Variants in ABI2 observed in about 807,000 individuals in gnomAD.
ABI2 encodes the protein abelson interactor 2.
ABI2 carries 25 observed loss-of-function variants against 59.2 expected under a neutral mutation model. That is an observed-to-expected ratio of 0.42 (90% CI 0.31 to 0.59). ABI2 has a LOEUF of 0.59. ABI2 is among the 20% of genes least tolerant of loss of function. ABI2 has a pLI of 0.14. For missense variants in ABI2, 545 were observed against 681.8 expected, an observed-to-expected ratio of 0.80 and a Z score of 2.23; for synonymous variants, 213 against 235.5, an observed-to-expected ratio of 0.90 and a Z score of 0.87.
chr2:203,421,831 GTGCA>G (rs997166976), intron 11 of ABI2, among the ~76,000 whole-genome samples: 2 of 152,048 alleles, frequency 1.3e-5, no homozygotes, highest in Admixed American at 1.3e-4. Context: ...GGGTGTGGTG[GTGCA>G]CGCCTGTAGT....
At chr2:203,385,333 G>A (rs370267709) in intron 4 of ABI2, among the ~76,000 whole-genome samples, 6 of 146,334 alleles carry the variant, frequency 4.1e-5, no homozygotes, top group East Asian at 2.1e-4. Context: ...GGGTTTCACC[G>A]TGTTAGCCAG....
chr2:203,340,074 A>T (rs2078988363), intron 1 of ABI2, among the ~76,000 whole-genome samples: 1 of 152,260 alleles, frequency 6.6e-6, no homozygotes, highest in Admixed American at 6.5e-5. Context: ...ATTTGTGACA[A>T]CATGGATGAA....
intron 1 of ABI2, among the ~76,000 whole-genome samples, chr2:203,363,757 ATTTTC>A (rs546930688): frequency 1.4e-3 from 218 of 151,710 alleles, no homozygotes; most frequent in African/African-American, 1.9e-3. Flanking sequence ...TATGTACCAT[ATTTTC>A]TTTTCTTTTC....
At chr2:203,366,274 A>G (rs902465121) in intron 1 of ABI2, among the ~76,000 whole-genome samples, 3 of 152,172 alleles carry the variant, frequency 2.0e-5, no homozygotes, top group Admixed American at 6.5e-5. Context: ...CTTGGGCAAC[A>G]TGGCAATTTA....
Position 203,368,984 on chromosome 2 carries a change from A to AATTTTTTT in ABI2, c.285+1940_285+1941insATTTTTTT, listed in dbSNP as rs1312712237. On this transcript the variant is annotated intron_variant, in intron 2 of 11. Coordinates refer to ENST00000261018, the MANE Select transcript of ABI2 (RefSeq NM_001375670.1). ...TACAGGCACGTGCCATGCTTGGCTGATTTTTTTTTTTTTTTTTTTTTTTTT... is the reference window on the plus strand; with the variant it reads ...TACAGGCACGTGCCATGCTTGGCTGAATTTTTTTTTTTTTTTTTTTTTTTTTTTTTTTT... 5.5e-5 allele frequency among the ~76,000 whole-genome samples: 5 copies of AATTTTTTT among 91,118 alleles called. 2 individuals are homozygous for AATTTTTTT. The highest frequency in any genetic ancestry group is 1.4e-4 in the Admixed American group (1 of 7,168). The allele number at this position is 91,118 out of a possible 152,430, so 59.8% of individuals were successfully genotyped here. A position where few individuals can be genotyped will look rare whatever the true frequency, so the allele number is the denominator to read the frequency against.
At chr2:203,408,836 T>TC (rs1190204909) in intron 9 of ABI2, among the ~76,000 whole-genome samples, 1 of 79,632 alleles carries the variant, frequency 1.3e-5, no homozygotes. Flanking sequence ...CTCCTTTCTT[T>TC]TTTTTTTTTT....
At chr2:203,371,020 A>G (rs1295040305) in intron 2 of ABI2, among the ~76,000 whole-genome samples, 2 of 152,184 alleles carry the variant, frequency 1.3e-5, no homozygotes, top group Non-Finnish European at 2.9e-5. Flanking sequence ...TCTAGGCTTT[A>G]CCCTGACTCT....
At chr2:203,409,761 A>G in intron 9 of ABI2, among the ~76,000 whole-genome samples, 1 of 152,116 alleles carries the variant, frequency 6.6e-6, no homozygotes, top group East Asian at 1.9e-4. Flanking sequence ...TGCAGCCACT[A>G]TTGGAAGTAG....
At chr2:203,392,263 GCACCACCACCATCACCACCACCACCAC>G (rs1163338448) in intron 5 of ABI2, among the ~76,000 whole-genome samples, 2 of 145,520 alleles carry the variant, frequency 1.4e-5, no homozygotes, top group African/African-American at 5.1e-5. Flanking sequence ...GGCTTCCTCA[GCACCACCACCATCACCACCACCACCAC>G]CACCACCACC....
chr2:203,348,969 A>G (rs983677011), intron 1 of ABI2, among the ~76,000 whole-genome samples: 4 of 151,610 alleles, frequency 2.6e-5, no homozygotes, highest in African/African-American at 9.7e-5. Flanking sequence ...TTTCACTTCC[A>G]TTGTCTAGGC....
intron 1 of ABI2, among the ~76,000 whole-genome samples, chr2:203,343,671 T>C (rs1203256733): frequency 1.3e-5 from 2 of 152,166 alleles, no homozygotes; most frequent in African/African-American, 4.8e-5. Flanking sequence ...TTTTTAGAAG[T>C]AGATTTAAAG....
chr2:203,402,040 A>G (rs902160970), intron 8 of ABI2, among the ~76,000 whole-genome samples: 6 of 151,988 alleles, frequency 3.9e-5, no homozygotes, highest in Admixed American at 1.3e-4. Flanking sequence ...GTAGCAAACT[A>G]TTTATTTATT....
chr2:203,426,093 T>C (rs766286958), intron 11 of ABI2, among the ~76,000 whole-genome samples: 7 of 152,046 alleles, frequency 4.6e-5, no homozygotes, highest in Non-Finnish European at 1.0e-4. Context: ...TTAAGGAAGC[T>C]ATTTAATTTT....
chr2:203,364,514 A>T (rs891139369), intron 1 of ABI2, among the ~76,000 whole-genome samples: 6 of 152,184 alleles, frequency 3.9e-5, no homozygotes, highest in Admixed American at 1.3e-4. Context: ...ACGAACAGCA[A>T]CCTTGGTCCT....
chr2:203,420,158 T>G (rs1178529936), intron 11 of ABI2, among the ~76,000 whole-genome samples: 1 of 152,218 alleles, frequency 6.6e-6, no homozygotes, highest in Non-Finnish European at 1.5e-5. Context: ...TTAACCATTG[T>G]CCTAAACGTG....
intron 9 of ABI2, among the ~76,000 whole-genome samples, chr2:203,403,832 A>T (rs1203153129): frequency 6.8e-6 from 1 of 146,878 alleles, no homozygotes; most frequent in African/African-American, 2.5e-5. Flanking sequence ...GATCACTGCA[A>T]TGCCTGCCTC....
chr2:203,417,157 A>T, intron 11 of ABI2, 76 bp downstream of exon 11: 1 of 1,273,814 alleles, frequency 7.9e-7, no homozygotes, highest in Non-Finnish European at 1.1e-6. Flanking sequence ...ACTGAAGAGA[A>T]TCTTATTTTC....
chr2:203,405,329 T>TA (rs891461027), intron 9 of ABI2, among the ~76,000 whole-genome samples: 12 of 152,206 alleles, frequency 7.9e-5, no homozygotes, highest in African/African-American at 2.9e-4. Flanking sequence ...TTGCAAGACT[T>TA]AATGATTTGT....
rs1040890102 is a variant in ABI2 at position 203,396,800 on chromosome 2, C to T, written c.866C>T (p.Ala289Val). 2 of 1,531,680 alleles carry T rather than the reference C, an allele frequency of 1.3e-6. No homozygotes were observed. Among genetic ancestry groups the T allele is most frequent in the Admixed American group, 2.0e-5 (1 of 50,142 alleles). 94.9% of individuals were successfully genotyped at this position (1,531,680 alleles called of 1,614,324 possible). ...TTCCCCTCAGCCCCTGCTGGCTCTG[C>T]TGGCACTCCTCCCCTTCCTGCTACT... ...PSVFPAPAGSAGTPPLPATSA... is the reference protein window; with the variant it reads ...PSVFPAPAGSVGTPPLPATSA... Residue 289 changes from alanine (A) to valine (V), a missense_variant, in exon 8 of 12, where the codon GCT (alanine) becomes GTT (valine). By Grantham distance (64) the Ala-to-Val change is moderately conservative (BLOSUM62 0). Transcript: ENST00000261018.
Sources: allele counts gnomAD v4.1 joint callset (sites outside exome capture counted in the v4.1 genomes callset), GRCh38; gene constraint gnomAD v4.1.1; transcripts MANE v1.5; gene names NCBI Gene and HGNC (gene_info 2026-07-23, HGNC 2026-07-21).